SMAD3: variants seen among roughly 807,000 people sequenced by gnomAD.
SMAD3 encodes the protein SMAD family member 3, also known as MAD homolog 3.
A neutral mutation model predicts 51.8 loss-of-function variants in SMAD3; 12 were observed. The ratio of observed to expected loss-of-function variants is 0.23; its 90% confidence interval spans 0.15 to 0.38. The LOEUF (loss-of-function observed/expected upper bound fraction) is 0.38. Among genes scored for constraint, SMAD3 ranks in the 10% least tolerant of loss-of-function variants. The probability of loss-of-function intolerance (pLI) is 1.00; values close to 1 mark genes in which losing one functional copy is unlikely to be tolerated. For missense variants in SMAD3, 294 were observed against 565.6 expected, an observed-to-expected ratio of 0.52 and a Z score of 4.87; for synonymous variants, 238 against 227.7, an observed-to-expected ratio of 1.05 and a Z score of -0.41.
chr15:67,144,618 T>C (rs1961925479), intron 1 of SMAD3, among the ~76,000 whole-genome samples: 1 of 152,196 alleles, frequency 6.6e-6, no homozygotes, highest in South Asian at 2.1e-4. Context: ...GTTCCTGTCC[T>C]AGCCAGTGGT....
intron 4 of SMAD3, 114 bp downstream of exon 4, chr15:67,166,967 G>A: frequency 1.1e-6 from 1 of 870,884 alleles, no homozygotes; most frequent in Non-Finnish European, 1.9e-6. Context: ...TCTCTCTCCA[G>A]TATTTGTAGA....
chr15:67,066,165 T>C lies in SMAD3; in HGVS notation c.11T>C (p.Ile4Thr). MSS[I>T]LPFTPPIVKR... ...GCGCCCTCCCCAGCCATGTCGTCCA[T>C]CCTGCCTTTCACTCCCCCGATCGTG... Residue 4 changes from isoleucine (I) to threonine (T), a missense_variant, in exon 1 of 9, where the codon ATC becomes ACC. By Grantham distance (89) the Ile-to-Thr change is moderately conservative. This residue lies in a region of SMAD3 where 147 missense variants were observed against 260.9 expected (regional missense o/e 0.56). Transcript: ENST00000327367. The C allele has an allele frequency of 6.2e-7, 1 of 1,600,512 alleles. No individual in the cohort carries two copies. The highest frequency in any genetic ancestry group is 8.5e-7 in the Non-Finnish European group (1 of 1,174,434).
chr15:67,147,105 A>G (rs1031158066), intron 1 of SMAD3, among the ~76,000 whole-genome samples: 2 of 152,124 alleles, frequency 1.3e-5, no homozygotes, highest in Non-Finnish European at 2.9e-5. Context: ...GTTCCCCTCC[A>G]TTGTTACCAA....
At chr15:67,128,668 C>A (rs1299086211) in intron 1 of SMAD3, among the ~76,000 whole-genome samples, 1 of 152,064 alleles carries the variant, frequency 6.6e-6, no homozygotes, top group African/African-American at 2.4e-5. Flanking sequence ...AACCTCTGGG[C>A]TCAAGAGATC....
rs547749860 is a variant in SMAD3, at chr15:67,189,975, G to A, written c.1155-438G>A. On this transcript the variant is annotated intron_variant, in intron 8 of 8. Coordinates refer to ENST00000327367, the MANE Select transcript of SMAD3 (RefSeq NM_005902.4). ...CTCAATCAGACAGACACACGTCATC[G>A]TCGCCTGCTGGGGCTGGGCCCAGAT... 1.1e-3 allele frequency among the ~76,000 whole-genome samples: 167 copies of A among 152,056 alleles called. 1 individual carries two copies. In the South Asian group the frequency reaches 0.022, roughly 20 times the overall value.
intron 8 of SMAD3, among the ~76,000 whole-genome samples, chr15:67,189,453 A>T (rs982438818): frequency 1.3e-5 from 2 of 152,230 alleles, no homozygotes; most frequent in African/African-American, 4.8e-5. Flanking sequence ...CCCTGGGGAC[A>T]CTATCACCAC....
At chr15:67,149,060 G>T (rs955546454) in intron 1 of SMAD3, among the ~76,000 whole-genome samples, 3 of 152,206 alleles carry the variant, frequency 2.0e-5, no homozygotes, top group African/African-American at 7.2e-5. Context: ...TGGACTGTAA[G>T]AGTTCGAGGA....
At position 67,134,547 on chromosome 15, in the gene SMAD3, G is replaced by T. The variant is rs116761653; in HGVS notation, c.207-30348G>T. Among the ~76,000 whole-genome samples the T allele has an allele frequency of 9.1e-3, 1,362 of 148,912 alleles. 25 individuals are homozygous for T. Among genetic ancestry groups the T allele is most frequent in the African/African-American group, 0.032 (1,312 of 40,650 alleles). On this transcript the variant is annotated intron_variant, in intron 1 of 8. Coordinates refer to ENST00000327367, the MANE Select transcript of SMAD3 (RefSeq NM_005902.4). ...TTCAGTGTTGTCTTACGCTCGGGGTGCCTTAAAGGGCTTACAGCGACCCTA... is the reference window on the plus strand; with the variant it reads ...TTCAGTGTTGTCTTACGCTCGGGGTTCCTTAAAGGGCTTACAGCGACCCTA...
intron 1 of SMAD3, among the ~76,000 whole-genome samples, chr15:67,134,537 C>T (rs1028396073): frequency 1.3e-5 from 2 of 151,226 alleles, no homozygotes; most frequent in African/African-American, 2.4e-5. Flanking sequence ...TGTTGTCTTA[C>T]GCTCGGGGTG....
At chr15:67,076,323 A>T (rs1479408081) in intron 1 of SMAD3, among the ~76,000 whole-genome samples, 1 of 152,224 alleles carries the variant, frequency 6.6e-6, no homozygotes, top group East Asian at 1.9e-4. Context: ...ACAAACTTCG[A>T]TGAATCAGGT....
intron 1 of SMAD3, among the ~76,000 whole-genome samples, chr15:67,160,756 G>A (rs1349577715): frequency 9.1e-6 from 1 of 110,216 alleles, no homozygotes; most frequent in Admixed American, 1.4e-4. Flanking sequence ...GGGCGACAGA[G>A]CGAGACTCCA....
chr15:67,153,213 C>T (rs186856252), intron 1 of SMAD3, among the ~76,000 whole-genome samples: 8 of 152,170 alleles, frequency 5.3e-5, no homozygotes, highest in African/African-American at 1.9e-4. Flanking sequence ...TCTGTTTGGC[C>T]AGGTGCAGTG....
chr15:67,106,640 A>G lies in SMAD3; in HGVS notation c.206+40280A>G, dbSNP rs181989793. Among the ~76,000 whole-genome samples the G allele has an allele frequency of 6.2e-4, 94 of 152,246 alleles. 1 individual carries two copies. The highest frequency in any genetic ancestry group is 4.3e-3 in the Admixed American group (65 of 15,290). On this transcript the variant is annotated intron_variant, in intron 1 of 8. Transcript: ENST00000327367. Reference sequence around the variant, plus strand: ...CTATGCTCAGGACCCAGATCAAAGGAGCTCAGTAACTATTTACAGGCGTAC... The same window carrying G: ...CTATGCTCAGGACCCAGATCAAAGGGGCTCAGTAACTATTTACAGGCGTAC...
At chr15:67,175,497 A>G (rs1407570714) in intron 5 of SMAD3, among the ~76,000 whole-genome samples, 1 of 152,200 alleles carries the variant, frequency 6.6e-6, no homozygotes, top group Non-Finnish European at 1.5e-5. Context: ...TCCTGTTGAC[A>G]TAGTTCTCCC....
At chr15:67,076,399 A>G (rs1048287879) in intron 1 of SMAD3, among the ~76,000 whole-genome samples, 1 of 152,188 alleles carries the variant, frequency 6.6e-6, no homozygotes, top group Admixed American at 6.5e-5. Flanking sequence ...CCTGTCACTG[A>G]TAGCTGCCCG....
intron 6 of SMAD3, among the ~76,000 whole-genome samples, chr15:67,183,000 A>AAAATATAT (rs61323717): frequency 1.1e-4 from 5 of 43,648 alleles, no homozygotes; most frequent in East Asian, 5.5e-4. Context: ...AAAAAAAAAA[A>AAAATATAT]ATATATATAT....
intron 6 of SMAD3, among the ~76,000 whole-genome samples, chr15:67,182,568 C>T (rs778033565): frequency 3.3e-5 from 5 of 152,092 alleles, no homozygotes; most frequent in African/African-American, 9.7e-5. Context: ...CTTTATATCT[C>T]GGGCTCTCAC....
intron 1 of SMAD3, among the ~76,000 whole-genome samples, chr15:67,100,091 G>C (rs1960715305): frequency 6.8e-6 from 1 of 147,474 alleles, no homozygotes; most frequent in East Asian, 2.0e-4. Flanking sequence ...TGAGGCAGGA[G>C]AATTGCTTGA....
At chr15:67,148,612 T>C (rs970353406) in intron 1 of SMAD3, among the ~76,000 whole-genome samples, 1 of 152,218 alleles carries the variant, frequency 6.6e-6, no homozygotes, top group Non-Finnish European at 1.5e-5. Flanking sequence ...ATTCCCCTGC[T>C]GTTTTTAATT....
Sources: allele counts gnomAD v4.1 joint callset (sites outside exome capture counted in the v4.1 genomes callset), GRCh38; gene constraint gnomAD v4.1.1; regional missense constraint gnomAD v4.1.1; transcripts MANE v1.5; gene names NCBI Gene and HGNC (gene_info 2026-07-23, HGNC 2026-07-21).